Variants in ANGEL2 observed in about 807,000 individuals in gnomAD.
ANGEL2 encodes the protein angel homolog 2, also known as RNA 2',3'-cyclic phosphatase ANGEL2.
ANGEL2 carries 41 observed loss-of-function variants against 66.0 expected under a neutral mutation model. The observed-to-expected ratio is 0.62, with a 90% CI of 0.48 to 0.81. The LOEUF (loss-of-function observed/expected upper bound fraction) is 0.81, where lower values mean the gene tolerates loss of function less well. Among genes scored for constraint, ANGEL2 ranks in the 30% least tolerant of loss-of-function variants. The pLI is 0.00. For synonymous variants in ANGEL2, 208 were observed against 226.5 expected (o/e 0.92, Z 0.73); for missense variants, 561 against 641.6 (o/e 0.87, Z 1.36).
At chr1:213,011,004 T>A (rs1572153498) in intron 2 of ANGEL2, among the ~76,000 whole-genome samples, 5 of 152,170 alleles carry the variant, frequency 3.3e-5, no homozygotes, top group African/African-American at 7.2e-5. Context: ...GGAACACCAA[T>A]CCCTGGCATG....
intron 5 of ANGEL2, among the ~76,000 whole-genome samples, chr1:213,003,508 T>C (rs927205892): frequency 7.2e-5 from 11 of 152,178 alleles, no homozygotes; most frequent in African/African-American, 1.2e-4. Context: ...AGTTTCAATA[T>C]GGTTGTGCTT....
At chr1:213,006,536 A>C (rs1361998358) in intron 4 of ANGEL2, 2 of 152,074 alleles carry the variant, frequency 1.3e-5, no homozygotes, top group Non-Finnish European at 2.9e-5. Flanking sequence ...ATGGGACCAC[A>C]GATAACTTGT....
At position 213,013,397 on chromosome 1, in the gene ANGEL2, G is replaced by A. The variant is rs775873975; in HGVS notation, c.81C>T (p.His27=). Residue 27 remains histidine (H), a synonymous_variant, in exon 2 of 9, where the codon CAC becomes CAT. Transcript: ENST00000366962. Reference sequence around the variant, plus strand: ...TCCAGTCTCTGCCCAGACTCCTCGAGTGATGGGGAAACATGGGGTATCTAA... The same window carrying A: ...TCCAGTCTCTGCCCAGACTCCTCGAATGATGGGGAAACATGGGGTATCTAA... ...GRGRYPMFPH[H]SRSLGRDWTT... is the part of the protein sequence containing the mutation. 6.2e-7 allele frequency: 1 copy of A among 1,613,446 alleles called. No homozygotes were observed. Among genetic ancestry groups the A allele is most frequent in the Non-Finnish European group, 8.5e-7 (1 of 1,179,612 alleles).
At chr1:213,005,605 GT>G in intron 4 of ANGEL2, 151 bp from the exon 5 acceptor site, 1 of 856,596 alleles carries the variant, frequency 1.2e-6, no homozygotes, top group South Asian at 1.9e-5. Flanking sequence ...AATAAAAAAC[GT>G]TTGACACTGG....
intron 8 of ANGEL2, 42 bp downstream of exon 8, chr1:212,997,113 C>T (rs763696981): frequency 1.9e-6 from 3 of 1,547,964 alleles, no homozygotes; most frequent in Non-Finnish European, 2.6e-6. Context: ...GTTTTAGCTA[C>T]TGTGCTCTCT....
chr1:212,994,975 A>T lies in ANGEL2; in HGVS notation c.*66T>A, dbSNP rs192973179. ...AAAAATAAACAACATGCATACACTT[A>T]AGAACTTTACATTCTTTGAAAAACA... On this transcript the variant is annotated 3_prime_UTR_variant, in exon 9 of 9. Transcript: ENST00000366962. The T allele has an allele frequency of 4.7e-5, 70 of 1,478,850 alleles. No individual in the cohort carries two copies. Among genetic ancestry groups the T allele is most frequent in the Non-Finnish European group, 6.1e-5 (67 of 1,102,994 alleles). 91.6% of individuals were successfully genotyped at this position (1,478,850 alleles called of 1,614,324 possible).
intron 5 of ANGEL2, among the ~76,000 whole-genome samples, chr1:213,002,465 GAAT>G (rs1327811337): frequency 2.0e-5 from 3 of 152,208 alleles, no homozygotes; most frequent in Admixed American, 2.0e-4. Context: ...AGGATTTTCA[GAAT>G]GGTCAATGAA....
intron 3 of ANGEL2, among the ~76,000 whole-genome samples, chr1:213,007,850 A>G (rs751273623): frequency 6.7e-6 from 1 of 148,860 alleles, no homozygotes; most frequent in Non-Finnish European, 1.5e-5. Context: ...ATTTAACCCA[A>G]CTTTTTCTTT....
intron 7 of ANGEL2, among the ~76,000 whole-genome samples, chr1:212,999,161 C>A (rs1397690901): frequency 6.6e-6 from 1 of 152,248 alleles, no homozygotes; most frequent in African/African-American, 2.4e-5. Flanking sequence ...CACGAGCCAC[C>A]ACGCCCGGCC....
At chr1:213,015,367 G>A (rs1335529132) in intron 1 of ANGEL2, 12 of 1,405,104 alleles carry the variant, frequency 8.5e-6, no homozygotes, top group African/African-American at 1.5e-5. Flanking sequence ...CCTGGCCGGC[G>A]GCCCATGAAC....
Position 213,008,293 on chromosome 1 carries a change from A to G in ANGEL2, c.559T>C (p.Tyr187His), listed in dbSNP as rs965801834. 3.7e-6 allele frequency: 6 copies of G among 1,614,172 alleles called. No individual in the cohort carries two copies. The highest frequency in any genetic ancestry group is 1.7e-5 in the Admixed American group (1 of 60,030). Residue 187 changes from tyrosine (Y) to histidine (H), a missense_variant, in exon 3 of 9, where the codon TAT (tyrosine) becomes CAT (histidine). Tyr to His is a moderately conservative substitution (Grantham distance 83). Transcript: ENST00000366962. The part of the protein sequence containing the change: ...QDLLEDNSHL[Y>H]RHCRRPVLHW... ...AATACTGGCCGCCGGCAATGTCTAT[A>G]AAGGTGAGAGTTATCTTCCAGTAAA...
intron 2 of ANGEL2, among the ~76,000 whole-genome samples, chr1:213,008,725 T>C (rs1572146566): frequency 6.6e-6 from 1 of 152,238 alleles, no homozygotes; most frequent in South Asian, 2.1e-4. Context: ...GCTGAGAGTA[T>C]GTGTTAACAA....
intron 3 of ANGEL2, 91 bp downstream of exon 3, chr1:213,008,119 C>A: frequency 7.0e-7 from 1 of 1,418,594 alleles, no homozygotes; most frequent in Non-Finnish European, 9.5e-7. Context: ...CTGCCTCAGC[C>A]TCCCAAAGTG....
rs2076149134 is a variant in ANGEL2 at position 213,000,530 on chromosome 1, G to A, written c.1262-147C>T. 1.7e-5 allele frequency: 13 copies of A among 783,654 alleles called. No homozygotes were observed. The South Asian group carries it at 2.2e-4, about 13-fold the overall frequency. 48.5% of individuals were successfully genotyped at this position (783,654 alleles called of 1,614,324 possible). ...CATTCTGGAATCTATATATTTCGAT[G>A]GCCTCCAGAATTAGGAAAAATAGAA... On this transcript the variant is annotated intron_variant, in intron 6 of 8. Coordinates refer to ENST00000366962, the MANE Select transcript of ANGEL2 (RefSeq NM_144567.5).
chr1:213,015,382 C>T (rs1293483783), intron 1 of ANGEL2: 5 of 1,415,168 alleles, frequency 3.5e-6, no homozygotes, highest in South Asian at 3.1e-5. Flanking sequence ...ATGAACTCCG[C>T]GCCAAGACCC....
At chr1:213,001,050 G>A in intron 5 of ANGEL2, 138 bp from the exon 6 acceptor site, 3 of 758,306 alleles carry the variant, frequency 4.0e-6, no homozygotes, top group East Asian at 3.2e-5. Context: ...GTGATTCTTT[G>A]GACTTATAAA....
chr1:213,011,547 C>T (rs1360907994), intron 2 of ANGEL2: 1 of 926,470 alleles, frequency 1.1e-6, no homozygotes, highest in Non-Finnish European at 1.3e-6. Context: ...GGGAAAACAA[C>T]ACCATAATTT....
chr1:213,007,695 T>C (rs935344490), intron 3 of ANGEL2, among the ~76,000 whole-genome samples: 2 of 152,326 alleles, frequency 1.3e-5, no homozygotes, highest in Middle Eastern at 3.4e-3. Flanking sequence ...TAGATGATTA[T>C]TCATACCAGC....
At chr1:213,001,842 G>A (rs2148147006) in intron 5 of ANGEL2, 1 of 152,576 alleles carries the variant, frequency 6.6e-6, no homozygotes, top group South Asian at 2.1e-4. Context: ...ATCTATTTAA[G>A]TTTTATCATG....
Sources: gnomAD v4.1 joint callset for allele counts (sites outside exome capture counted in the v4.1 genomes callset) on GRCh38, gnomAD v4.1.1 for gene constraint, MANE v1.5 for transcripts, NCBI Gene and HGNC (gene_info 2026-07-23, HGNC 2026-07-21) for gene names.